Variants in RBMS1 observed in about 807,000 individuals in gnomAD.
RBMS1 encodes the protein RNA-binding motif, single-stranded-interacting protein 1.
A neutral mutation model predicts 62.3 loss-of-function variants in RBMS1; 17 were observed. That is an observed-to-expected ratio of 0.27 (90% confidence interval 0.19 to 0.41). The LOEUF (loss-of-function observed/expected upper bound fraction) is 0.41. Ranked by LOEUF, RBMS1 falls within the 10% of genes least tolerant of loss-of-function variation. The probability of loss-of-function intolerance (pLI) is 1.00; values close to 1 mark genes in which losing one functional copy is unlikely to be tolerated. For missense variants in RBMS1, 334 were observed against 504.5 expected (o/e 0.66, Z 3.24); for synonymous variants, 172 against 170.0 (o/e 1.01, Z -0.09).
intron 3 of RBMS1, among the ~76,000 whole-genome samples, chr2:160,316,908 T>C (rs1313870713): frequency 6.6e-6 from 1 of 152,222 alleles, no homozygotes; most frequent in Non-Finnish European, 1.5e-5. Context: ...CCAAAAGATT[T>C]TTTTTCTGTG....
At chr2:160,436,208 G>A (rs1158483716) in intron 1 of RBMS1, among the ~76,000 whole-genome samples, 2 of 152,196 alleles carry the variant, frequency 1.3e-5, no homozygotes, top group Admixed American at 1.3e-4. Flanking sequence ...ATGGTGAGTG[G>A]CTTTGACCAA....
intron 1 of RBMS1, among the ~76,000 whole-genome samples, chr2:160,462,207 G>A (rs1475114070): frequency 3.3e-5 from 5 of 152,142 alleles, no homozygotes; most frequent in East Asian, 3.9e-4. Context: ...GTTGCCTTGT[G>A]AGAAAAACCA....
At chr2:160,378,953 C>T (rs531591517) in intron 1 of RBMS1, among the ~76,000 whole-genome samples, 18 of 152,350 alleles carry the variant, frequency 1.2e-4, no homozygotes, top group Non-Finnish European at 2.4e-4. Context: ...GACGTGGTGG[C>T]TCATGCCTAT....
intron 2 of RBMS1, among the ~76,000 whole-genome samples, chr2:160,366,087 T>C (rs1159343662): frequency 6.6e-6 from 1 of 152,178 alleles, no homozygotes; most frequent in Non-Finnish European, 1.5e-5. Context: ...GGGATGGCCT[T>C]CTAGAAAGTT....
intron 1 of RBMS1, among the ~76,000 whole-genome samples, chr2:160,447,338 C>T: frequency 6.6e-6 from 1 of 152,188 alleles, no homozygotes; most frequent in Non-Finnish European, 1.5e-5. Flanking sequence ...CTTACCACAA[C>T]TCAATCACAG....
At chr2:160,351,217 A>G (rs1692483571) in intron 2 of RBMS1, among the ~76,000 whole-genome samples, 1 of 151,864 alleles carries the variant, frequency 6.6e-6, no homozygotes. Flanking sequence ...TAGGAGATAT[A>G]CCTAATGTAA....
At chr2:160,353,672 A>G (rs1242030677) in intron 2 of RBMS1, among the ~76,000 whole-genome samples, 4 of 152,194 alleles carry the variant, frequency 2.6e-5, no homozygotes, top group Non-Finnish European at 5.9e-5. Flanking sequence ...AGAAGAGTGG[A>G]TATTTCAGGA....
At chr2:160,476,594 G>A (rs1016947924) in intron 1 of RBMS1, among the ~76,000 whole-genome samples, 113 of 122,228 alleles carry the variant, frequency 9.2e-4, no homozygotes, top group Admixed American at 2.2e-3. Flanking sequence ...TCGCTCTGTC[G>A]CCCAGGCTGG....
chr2:160,493,106 A>C, intron 1 of RBMS1, 183 bp downstream of exon 1: 3 of 565,690 alleles, frequency 5.3e-6, no homozygotes, highest in Middle Eastern at 4.9e-4. Context: ...CTCCGCTCCC[A>C]GGGAAGCCGC....
intron 1 of RBMS1, chr2:160,407,852 G>T (rs1382774319): frequency 1.0e-6 from 1 of 981,342 alleles, no homozygotes; most frequent in Non-Finnish European, 1.2e-6. Flanking sequence ...CGGCGGCAGC[G>T]GAGGAGCAGC....
Position 160,493,413 on chromosome 2 carries a change from C to A in RBMS1, c.-50G>T, listed in dbSNP as rs1345425663. ...CAGGGTCGCGGACACTTTGGGGTTT[C>A]CAAGTCTCGGGCTCTCCTGCCTCTC... On this transcript the variant is annotated 5_prime_UTR_variant, in exon 1 of 14. Coordinates refer to ENST00000348849, the MANE Select transcript of RBMS1 (RefSeq NM_016836.4). 1 of 1,581,082 alleles carries A rather than the reference C, an allele frequency of 6.3e-7. No individual in the cohort carries two copies. Among genetic ancestry groups the A allele is most frequent in the Non-Finnish European group, 8.7e-7 (1 of 1,151,260 alleles).
intron 1 of RBMS1, among the ~76,000 whole-genome samples, chr2:160,383,311 T>A (rs895747925): frequency 6.6e-6 from 1 of 152,200 alleles, no homozygotes; most frequent in African/African-American, 2.4e-5. Context: ...TCTCTCTGCA[T>A]CCTATCCTCT....
At position 160,311,238 on chromosome 2, in the gene RBMS1, A is replaced by ATCTATATATCTATATCTATATC. The variant is rs1287458681; in HGVS notation, c.402+1917_402+1918insGATATAGATATAGATATATAGA. The stretch of plus-strand genomic sequence containing the variant: ...TATCTATCTATCTATCTATCTATAT[A>ATCTATATATCTATATCTATATC]TATATATATATATATATATAGTCTG... On this transcript the variant is annotated intron_variant, in intron 4 of 13. Coordinates refer to ENST00000348849, the MANE Select transcript of RBMS1 (RefSeq NM_016836.4). 3.4e-5 allele frequency among the ~76,000 whole-genome samples: 4 copies of ATCTATATATCTATATCTATATC among 119,248 alleles called. No individual in the cohort carries two copies. The South Asian group carries it at 1.1e-3, about 34-fold the overall frequency. 78.2% of individuals were successfully genotyped at this position (119,248 alleles called of 152,430 possible). A position where few individuals can be genotyped will look rare whatever the true frequency, so the allele number is the denominator to read the frequency against.
intron 2 of RBMS1, among the ~76,000 whole-genome samples, chr2:160,365,806 A>T (rs1693364657): frequency 6.6e-6 from 1 of 152,232 alleles, no homozygotes; most frequent in South Asian, 2.1e-4. Flanking sequence ...CTGCAAAAAC[A>T]TAAGACAACG....
At chr2:160,474,285 C>T (rs1482218252) in intron 1 of RBMS1, among the ~76,000 whole-genome samples, 1 of 152,200 alleles carries the variant, frequency 6.6e-6, no homozygotes, top group African/African-American at 2.4e-5. Flanking sequence ...CAGCATCTTC[C>T]TGTTTAAAGG....
intron 1 of RBMS1, among the ~76,000 whole-genome samples, chr2:160,439,979 G>A (rs1195969118): frequency 6.6e-6 from 1 of 151,848 alleles, no homozygotes; most frequent in African/African-American, 2.4e-5. Flanking sequence ...CAGGCAGGGA[G>A]GTTGCAGTGA....
intron 1 of RBMS1, among the ~76,000 whole-genome samples, chr2:160,375,339 G>A (rs1355912543): frequency 6.6e-6 from 1 of 152,126 alleles, no homozygotes; most frequent in Non-Finnish European, 1.5e-5. Flanking sequence ...ATGGATTCCC[G>A]ACTTAGTCAT....
At chr2:160,284,675 A>C (rs1227526743) in intron 9 of RBMS1, 100 bp downstream of exon 9, 1 of 1,004,846 alleles carries the variant, frequency 1.0e-6, no homozygotes, top group African/African-American at 1.6e-5. Flanking sequence ...TATTTGACTC[A>C]AATTTCATAA....
intron 2 of RBMS1, among the ~76,000 whole-genome samples, chr2:160,358,728 T>C (rs1157523844): frequency 6.6e-6 from 1 of 152,154 alleles, no homozygotes; most frequent in East Asian, 1.9e-4. Context: ...TTTAACCCAA[T>C]TTTCACTTTT....
Sources: allele counts gnomAD v4.1 joint callset (sites outside exome capture counted in the v4.1 genomes callset), GRCh38; gene constraint gnomAD v4.1.1; transcripts MANE v1.5; gene names NCBI Gene and HGNC (gene_info 2026-07-23, HGNC 2026-07-21).